PPARGC1A: variants seen among roughly 807,000 people sequenced by gnomAD.
The protein encoded by PPARGC1A is PPARG coactivator 1 alpha.
A neutral mutation model predicts 88.7 loss-of-function variants in PPARGC1A; 25 were observed. The observed-to-expected ratio is 0.28, with a 90% confidence interval of 0.21 to 0.39. The LOEUF is 0.39. Among genes scored for constraint, PPARGC1A ranks in the 10% least tolerant of loss-of-function variants. The probability of loss-of-function intolerance (pLI) is 1.00; values close to 1 mark genes in which losing one functional copy is unlikely to be tolerated. For synonymous variants in PPARGC1A, 363 were observed against 355.6 expected (o/e 1.02, Z -0.24); for missense variants, 880 against 968.7 (o/e 0.91, Z 1.22).
chr4:24,205,467 C>A, the PPARGC1A span, among the ~76,000 whole-genome samples: 1 of 152,044 alleles, frequency 6.6e-6, no homozygotes, highest in Non-Finnish European at 1.5e-5. Context: ...ACTAGAGTCC[C>A]CAACCAAAAT....
the PPARGC1A span, among the ~76,000 whole-genome samples, chr4:24,254,777 G>A: frequency 0.032 from 4,936 of 152,266 alleles, 207 homozygotes; most frequent in East Asian, 0.12. Flanking sequence ...ATTCCATAGT[G>A]TATTTAATTA....
intron 5 of PPARGC1A, among the ~76,000 whole-genome samples, chr4:23,825,978 A>G (rs1404788161): frequency 1.3e-5 from 2 of 152,208 alleles, no homozygotes; most frequent in Non-Finnish European, 2.9e-5. Flanking sequence ...CATAGAAAAT[A>G]TAACCAGATA....
chr4:24,146,626 T>C, the PPARGC1A span, among the ~76,000 whole-genome samples: 1 of 152,228 alleles, frequency 6.6e-6, no homozygotes, highest in African/African-American at 2.4e-5. Context: ...GAGCTGTTAT[T>C]AGCAGACAAG....
intron 2 of PPARGC1A, among the ~76,000 whole-genome samples, chr4:23,879,442 T>C (rs1360731762): frequency 6.6e-6 from 1 of 152,180 alleles, no homozygotes; most frequent in Non-Finnish European, 1.5e-5. Context: ...TCTAGGAAAG[T>C]ACTTCAGCTC....
At chr4:24,297,530 A>G in the PPARGC1A span, among the ~76,000 whole-genome samples, 1 of 152,174 alleles carries the variant, frequency 6.6e-6, no homozygotes, top group African/African-American at 2.4e-5. Flanking sequence ...ATTCATCTAC[A>G]CATAATCTTG....
chr4:24,352,792 C>T, the PPARGC1A span, among the ~76,000 whole-genome samples: 1 of 152,326 alleles, frequency 6.6e-6, no homozygotes, highest in Admixed American at 6.5e-5. Flanking sequence ...TTATCAGCCT[C>T]CTCTCTCACT....
the PPARGC1A span, among the ~76,000 whole-genome samples, chr4:24,412,630 A>G: frequency 6.6e-6 from 1 of 152,042 alleles, no homozygotes; most frequent in Non-Finnish European, 1.5e-5. Flanking sequence ...ACAGGCGACC[A>G]CCATCATGGC....
the PPARGC1A span, among the ~76,000 whole-genome samples, chr4:24,120,621 T>A: frequency 5.3e-5 from 8 of 152,282 alleles, no homozygotes; most frequent in South Asian, 1.0e-3. Context: ...AAAATTCATA[T>A]GTTGAAACCC....
At chr4:24,387,583 G>A in the PPARGC1A span, among the ~76,000 whole-genome samples, 1 of 151,760 alleles carries the variant, frequency 6.6e-6, no homozygotes, top group Non-Finnish European at 1.5e-5. Flanking sequence ...AATTAGCTGA[G>A]CATGGTAGCT....
chr4:24,468,871 C>T, the PPARGC1A span, among the ~76,000 whole-genome samples: 2 of 152,118 alleles, frequency 1.3e-5, no homozygotes, highest in African/African-American at 2.4e-5. Context: ...AGGAAAAGAG[C>T]TTCTTAGGGA....
upstream of PPARGC1A, among the ~76,000 whole-genome samples, chr4:23,901,913 T>G (rs1376014597): frequency 6.6e-6 from 1 of 152,146 alleles, no homozygotes; most frequent in Non-Finnish European, 1.5e-5. Context: ...ATTTTCTGTG[T>G]AGTGAAATGC....
chr4:24,238,745 A>ATGTGTGTGTGTGTGTGTGTGTG, the PPARGC1A span, among the ~76,000 whole-genome samples: 2 of 121,808 alleles, frequency 1.6e-5, no homozygotes, highest in Admixed American at 8.2e-5. Flanking sequence ...AAGGTTGTAT[A>ATGTGTGTGTGTGTGTGTGTGTG]TGTGTGTGTG....
At chr4:24,156,863 T>C in the PPARGC1A span, among the ~76,000 whole-genome samples, 8 of 151,926 alleles carry the variant, frequency 5.3e-5, no homozygotes, top group Admixed American at 5.3e-4. Context: ...TTCCAAACAA[T>C]GTTTATTTTC....
chr4:24,351,438 G>C, the PPARGC1A span, among the ~76,000 whole-genome samples: 3 of 150,934 alleles, frequency 2.0e-5, no homozygotes, highest in East Asian at 5.8e-4. Context: ...GTAAAATTTA[G>C]ATTAGAGGAA....
chr4:24,035,870 A>T, the PPARGC1A span, among the ~76,000 whole-genome samples: 3 of 152,264 alleles, frequency 2.0e-5, no homozygotes, highest in African/African-American at 2.4e-5. Context: ...CAAAAGTGCT[A>T]GAAGTTACTA....
the PPARGC1A span, among the ~76,000 whole-genome samples, chr4:24,099,210 T>C: frequency 2.7e-5 from 4 of 149,232 alleles, no homozygotes; most frequent in Non-Finnish European, 5.9e-5. Flanking sequence ...AATGACTAGA[T>C]TGAATGAAAA....
intron 2 of PPARGC1A, among the ~76,000 whole-genome samples, chr4:23,851,647 C>G (rs1577510566): frequency 6.6e-6 from 1 of 152,148 alleles, no homozygotes; most frequent in East Asian, 1.9e-4. Context: ...CACACCAGTT[C>G]TTGCAAAAAA....
chr4:24,173,890 T>C, the PPARGC1A span, among the ~76,000 whole-genome samples: 4 of 152,218 alleles, frequency 2.6e-5, no homozygotes, highest in African/African-American at 4.8e-5. Context: ...CTCCACACCA[T>C]CTGATGACCA....
the PPARGC1A span, among the ~76,000 whole-genome samples, chr4:24,260,317 C>G: frequency 6.6e-6 from 1 of 152,172 alleles, no homozygotes; most frequent in Admixed American, 6.5e-5. Flanking sequence ...CTCACACCAC[C>G]AACATATGAC....
Sources: allele counts gnomAD v4.1 joint callset (sites outside exome capture counted in the v4.1 genomes callset), GRCh38; gene constraint gnomAD v4.1.1; transcripts MANE v1.5; gene names NCBI Gene and HGNC (gene_info 2026-07-23, HGNC 2026-07-21).